Variants in SORCS2 observed in about 807,000 individuals in gnomAD.
SORCS2 encodes the protein VPS10 domain-containing receptor SorCS2.
Under a neutral mutation model 141.6 loss-of-function variants are expected in SORCS2, and 100 were observed. The observed-to-expected ratio is 0.71, with a 90% CI of 0.60 to 0.83. The LOEUF (loss-of-function observed/expected upper bound fraction) is 0.83. SORCS2 is among the 40% of genes least tolerant of loss of function. SORCS2 has a pLI of 0.00. For synonymous variants in SORCS2, 789 were observed against 676.9 expected, an observed-to-expected ratio of 1.17 and a Z score of -2.57; for missense variants, 1,646 against 1,560.2, an observed-to-expected ratio of 1.05 and a Z score of -0.93.
intron 26 of SORCS2, 62 bp downstream of exon 26, chr4:7,737,234 C>T (rs1464628140): frequency 8.4e-6 from 13 of 1,544,306 alleles, no homozygotes; most frequent in East Asian, 2.5e-5. Context: ...GCCCCAAACC[C>T]ACCCCGCCCT....
chr4:7,650,739 A>AGCCCC (rs1721388954), intron 4 of SORCS2, among the ~76,000 whole-genome samples: 1 of 38,508 alleles, frequency 2.6e-5, no homozygotes, highest in Non-Finnish European at 5.8e-5. Flanking sequence ...AGCCCAGCCC[A>AGCCCC]GCCCAGCCCA....
chr4:7,445,423 G>A (rs1359539021), intron 2 of SORCS2, among the ~76,000 whole-genome samples: 1 of 152,134 alleles, frequency 6.6e-6, no homozygotes, highest in Admixed American at 6.5e-5. Context: ...GGGCATCCTG[G>A]GAAGAGCATG....
intron 3 of SORCS2, among the ~76,000 whole-genome samples, chr4:7,621,205 G>A (rs1719149770): frequency 6.6e-6 from 1 of 152,210 alleles, no homozygotes; most frequent in South Asian, 2.1e-4. Flanking sequence ...CGCCCAGGGT[G>A]GTGTGTGGGA....
chr4:7,583,143 A>G (rs1377680811), intron 3 of SORCS2, among the ~76,000 whole-genome samples: 1 of 152,132 alleles, frequency 6.6e-6, no homozygotes, highest in African/African-American at 2.4e-5. Flanking sequence ...CTGTGGGAGG[A>G]AGTGAGGGTT....
chr4:7,579,736 A>T (rs1164820817), intron 3 of SORCS2, among the ~76,000 whole-genome samples: 1 of 152,168 alleles, frequency 6.6e-6, no homozygotes, highest in Non-Finnish European at 1.5e-5. Flanking sequence ...GGTGGATGAG[A>T]TGTGTCCTGT....
intron 2 of SORCS2, among the ~76,000 whole-genome samples, chr4:7,449,775 C>T (rs951678340): frequency 6.6e-6 from 1 of 152,064 alleles, no homozygotes; most frequent in African/African-American, 2.4e-5. Flanking sequence ...GGAAATCGCT[C>T]CAGTGTTCCC....
intron 2 of SORCS2, among the ~76,000 whole-genome samples, chr4:7,403,993 ATATATTT>A (rs1362533591): frequency 1.2e-3 from 9 of 7,696 alleles, no homozygotes; most frequent in African/African-American, 3.6e-3. Flanking sequence ...ATATATATAT[ATATATTT>A]TTTTTTTTTT....
At chr4:7,316,243 C>T (rs1718545082) in intron 1 of SORCS2, among the ~76,000 whole-genome samples, 1 of 152,154 alleles carries the variant, frequency 6.6e-6, no homozygotes, top group South Asian at 2.1e-4. Flanking sequence ...TCCATCCATC[C>T]ATCCATCCAT....
chr4:7,628,252 G>T (rs1177852560), intron 3 of SORCS2, among the ~76,000 whole-genome samples: 1 of 152,218 alleles, frequency 6.6e-6, no homozygotes, highest in Non-Finnish European at 1.5e-5. Context: ...GCCAGGCGCG[G>T]TGGCTCATGC....
At chr4:7,582,499 A>G (rs1716224775) in intron 3 of SORCS2, among the ~76,000 whole-genome samples, 1 of 152,214 alleles carries the variant, frequency 6.6e-6, no homozygotes, top group African/African-American at 2.4e-5. Flanking sequence ...CCCCTCGCCC[A>G]TCATGCAATG....
chr4:7,444,313 T>C (rs1487481625), intron 2 of SORCS2, among the ~76,000 whole-genome samples: 5 of 152,052 alleles, frequency 3.3e-5, no homozygotes, highest in Non-Finnish European at 1.5e-5. Flanking sequence ...TGTTACAATA[T>C]GGAGGAAAGT....
At chr4:7,335,100 T>C (rs1190487179) in intron 1 of SORCS2, among the ~76,000 whole-genome samples, 1 of 152,118 alleles carries the variant, frequency 6.6e-6, no homozygotes. Flanking sequence ...TCAGCTCCCA[T>C]TCTGCAGCAC....
At chr4:7,623,184 CAATCAGTG>C (rs1719314769) in intron 3 of SORCS2, among the ~76,000 whole-genome samples, 2 of 152,254 alleles carry the variant, frequency 1.3e-5, no homozygotes, top group South Asian at 4.2e-4. Context: ...CTGCCTTTTA[CAATCAGTG>C]ACACTCAGAG....
intron 1 of SORCS2, among the ~76,000 whole-genome samples, chr4:7,352,271 G>A (rs1031222943): frequency 2.0e-5 from 3 of 152,240 alleles, no homozygotes; most frequent in African/African-American, 7.2e-5. Context: ...TAAGAACTGA[G>A]GTGCCTGGCG....
At chr4:7,465,056 C>G (rs975774886) in intron 2 of SORCS2, among the ~76,000 whole-genome samples, 2 of 152,230 alleles carry the variant, frequency 1.3e-5, no homozygotes, top group African/African-American at 2.4e-5. Flanking sequence ...CAAAGCACCC[C>G]CCTTGCAGGG....
intron 14 of SORCS2, 115 bp downstream of exon 14, chr4:7,704,399 A>G: frequency 6.4e-6 from 6 of 931,118 alleles, no homozygotes; most frequent in South Asian, 1.6e-5. Flanking sequence ...GACATCTGCC[A>G]CCTGCCCCAG....
chr4:7,307,577 C>G (rs753516410), intron 1 of SORCS2, among the ~76,000 whole-genome samples: 1 of 152,226 alleles, frequency 6.6e-6, no homozygotes, highest in African/African-American at 2.4e-5. Flanking sequence ...CCATGCCTGT[C>G]GAGCTTGGCA....
intron 2 of SORCS2, among the ~76,000 whole-genome samples, chr4:7,445,396 C>T (rs1008182086): frequency 1.3e-5 from 2 of 152,116 alleles, no homozygotes; most frequent in African/African-American, 4.8e-5. Context: ...GCTGGATTCA[C>T]AGCCCAAGAT....
chr4:7,426,724 G>A (rs953250367), intron 2 of SORCS2, among the ~76,000 whole-genome samples: 4 of 152,140 alleles, frequency 2.6e-5, no homozygotes, highest in Non-Finnish European at 4.4e-5. Flanking sequence ...TACCCTCTTT[G>A]TGTACTTATG....
Sources: gnomAD v4.1 joint callset for allele counts (sites outside exome capture counted in the v4.1 genomes callset) on GRCh38, gnomAD v4.1.1 for gene constraint, MANE v1.5 for transcripts, NCBI Gene and HGNC (gene_info 2026-07-23, HGNC 2026-07-21) for gene names.